PRLR: variants seen among roughly 807,000 people sequenced by gnomAD.
PRLR encodes the protein prolactin receptor.
PRLR carries 13 observed loss-of-function variants against 40.2 expected under a neutral mutation model. That is an observed-to-expected ratio of 0.32 (90% CI 0.21 to 0.51). The LOEUF (loss-of-function observed/expected upper bound fraction) is 0.51. Ranked by LOEUF, PRLR falls within the 20% of genes least tolerant of loss-of-function variation. The pLI, the probability that PRLR is intolerant of heterozygous loss-of-function variation, is 0.97. For synonymous variants in PRLR, 269 were observed against 278.7 expected (o/e 0.97, Z 0.35); for missense variants, 656 against 747.3 (o/e 0.88, Z 1.42).
At chr5:35,203,814 TTA>T (rs1472391052) in intron 1 of PRLR, among the ~76,000 whole-genome samples, 1 of 149,716 alleles carries the variant, frequency 6.7e-6, no homozygotes, top group Non-Finnish European at 1.5e-5. Context: ...TTTTGAGCCA[TTA>T]CCAAAAGCTC....
rs976561003 is a variant in PRLR, at chr5:35,060,624, T to C, written c.*4465A>G. 1.3e-5 allele frequency: 2 copies of C among 152,220 alleles called. No individual in the cohort carries two copies. Among genetic ancestry groups the C allele is most frequent in the African/African-American group, 4.8e-5 (2 of 41,446 alleles). The allele number at this position is 152,220 out of a possible 1,614,324, so 9.4% of individuals were successfully genotyped here. A position where few individuals can be genotyped will look rare whatever the true frequency, so the allele number is the denominator to read the frequency against. ...CATAGTGCCTACTTAGTCGTGGTGA[T>C]GTGATTTAGTCTTGGACATTGAGTG... On this transcript the variant is annotated 3_prime_UTR_variant, in exon 10 of 10. Coordinates refer to ENST00000618457, the MANE Select transcript of PRLR (RefSeq NM_000949.7).
At chr5:35,054,771 A>G (rs924631941), downstream of PRLR, among the ~76,000 whole-genome samples, 1 of 152,200 alleles carries the variant, frequency 6.6e-6, no homozygotes, top group African/African-American at 2.4e-5. Flanking sequence ...GTGCATAAAG[A>G]TATCTGCTAT....
chr5:35,066,181 G>C (rs1340442277), intron 9 of PRLR, 79 bp from the exon 10 acceptor site: 9 of 1,362,292 alleles, frequency 6.6e-6, no homozygotes, highest in Non-Finnish European at 9.0e-6. Context: ...AAGTGGTGCT[G>C]TTCATTGCCA....
At chr5:35,150,619 T>A (rs1050427229) in intron 1 of PRLR, among the ~76,000 whole-genome samples, 1 of 152,136 alleles carries the variant, frequency 6.6e-6, no homozygotes, top group African/African-American at 2.4e-5. Flanking sequence ...TGCTTAATAG[T>A]GGGTCATAAA....
At chr5:35,210,119 C>T (rs1194693272) in intron 1 of PRLR, among the ~76,000 whole-genome samples, 5 of 152,172 alleles carry the variant, frequency 3.3e-5, no homozygotes, top group Admixed American at 6.5e-5. Flanking sequence ...AGTGCCTTTG[C>T]AGGTACTGAG....
At position 35,223,727 on chromosome 5, in the gene PRLR, C is replaced by A. The variant is rs368789943; in HGVS notation, c.-106+6541G>T. Among the ~76,000 whole-genome samples the A allele has an allele frequency of 3.3e-5, 5 of 152,332 alleles. No homozygotes were observed. In the East Asian group the frequency reaches 5.8e-4, roughly 18 times the overall value. ...ATTTATGTAACACTTAGAAAATGTT[C>A]TTTACATGCTACCGGTCTTTTATGT... is the stretch of plus-strand genomic sequence containing the variant. On this transcript the variant is annotated intron_variant, in intron 1 of 9. Transcript: ENST00000618457.
chr5:35,207,614 TTG>T (rs142502829), intron 1 of PRLR, among the ~76,000 whole-genome samples: 3,103 of 146,328 alleles, frequency 0.021, 42 homozygotes, highest in Middle Eastern at 0.042. Flanking sequence ...CAATGGGAGA[TTG>T]TGTGTGTGTG....
intron 1 of PRLR, among the ~76,000 whole-genome samples, chr5:35,141,251 AC>A (rs1554051229): frequency 6.6e-6 from 1 of 151,718 alleles, no homozygotes; most frequent in Non-Finnish European, 1.5e-5. Flanking sequence ...AAAAAAACAA[AC>A]CCCTAATGTG....
rs1263328106 is a variant in PRLR, at chr5:35,059,976, GGTACGT to G, written c.*5107_*5112del. ...ACCTTCCCAAGTGTCTAGGACTACA[GGTACGT>G]GTCACCATGGCTGGCTAATTTTTAA... On this transcript the variant is annotated 3_prime_UTR_variant, in exon 10 of 10. Transcript: ENST00000618457. 1.4e-4 allele frequency: 22 copies of G among 152,322 alleles called. 1 individual carries two copies. The highest frequency in any genetic ancestry group is 5.1e-4 in the African/African-American group (21 of 41,556). 9.4% of individuals were successfully genotyped at this position (152,322 alleles called of 1,614,324 possible). A position where few individuals can be genotyped will look rare whatever the true frequency, so the allele number is the denominator to read the frequency against.
intron 1 of PRLR, among the ~76,000 whole-genome samples, chr5:35,196,622 C>T (rs1392384367): frequency 6.6e-6 from 1 of 152,196 alleles, no homozygotes; most frequent in African/African-American, 2.4e-5. Flanking sequence ...ATTGCTCCTG[C>T]AGGAATCCCC....
At chr5:35,192,835 C>T (rs1427636974) in intron 1 of PRLR, among the ~76,000 whole-genome samples, 1 of 152,158 alleles carries the variant, frequency 6.6e-6, no homozygotes, top group Admixed American at 6.5e-5. Flanking sequence ...TATTTGGGGT[C>T]CTCTGTGTGG....
intron 1 of PRLR, among the ~76,000 whole-genome samples, chr5:35,200,076 C>G (rs1344915746): frequency 6.6e-6 from 1 of 152,168 alleles, no homozygotes; most frequent in Non-Finnish European, 1.5e-5. Flanking sequence ...TGGACAAAGC[C>G]GCACATTGTA....
chr5:35,069,030 G>A, intron 7 of PRLR, 152 bp from the exon 8 acceptor site: 1 of 557,010 alleles, frequency 1.8e-6, no homozygotes, highest in Non-Finnish European at 3.2e-6. Flanking sequence ...ATCAATGACA[G>A]GGCTATTCTC....
chr5:35,212,578 C>A (rs1013695576), intron 1 of PRLR, among the ~76,000 whole-genome samples: 1 of 152,122 alleles, frequency 6.6e-6, no homozygotes, highest in Non-Finnish European at 1.5e-5. Context: ...CCAGTGAAGT[C>A]CCCTGGTATG....
At chr5:35,069,383 G>A (rs997534980) in intron 7 of PRLR, among the ~76,000 whole-genome samples, 3 of 152,170 alleles carry the variant, frequency 2.0e-5, no homozygotes, top group African/African-American at 7.2e-5. Context: ...GTCAGGAGTG[G>A]ACTAGATGCC....
intron 5 of PRLR, among the ~76,000 whole-genome samples, chr5:35,078,339 G>A (rs1377516430): frequency 1.3e-5 from 2 of 151,920 alleles, no homozygotes; most frequent in African/African-American, 4.8e-5. Context: ...AAAGAAAAAT[G>A]AAATACATGC....
chr5:35,180,363 G>A (rs1437150468), intron 1 of PRLR, among the ~76,000 whole-genome samples: 1 of 152,156 alleles, frequency 6.6e-6, no homozygotes, highest in Non-Finnish European at 1.5e-5. Context: ...CTTCGTGATA[G>A]TGAGTGACTT....
At chr5:35,200,476 T>A (rs4703395) in intron 1 of PRLR, among the ~76,000 whole-genome samples, 22,119 of 152,166 alleles carry the variant, frequency 0.15, 1,725 homozygotes, top group Middle Eastern at 0.19. Context: ...GGGCTTTCAA[T>A]TATATATTCT....
chr5:35,149,941 C>A (rs552643484), intron 1 of PRLR, among the ~76,000 whole-genome samples: 1 of 152,286 alleles, frequency 6.6e-6, no homozygotes, highest in African/African-American at 2.4e-5. Context: ...TCACTGCAAC[C>A]TCTGCCTCCT....
Sources: allele counts gnomAD v4.1 joint callset (sites outside exome capture counted in the v4.1 genomes callset), GRCh38; gene constraint gnomAD v4.1.1; transcripts MANE v1.5; gene names NCBI Gene and HGNC (gene_info 2026-07-23, HGNC 2026-07-21).